Variants in FLYWCH1 observed in about 807,000 individuals in gnomAD.
The protein encoded by FLYWCH1 is FLYWCH-type zinc finger-containing protein 1.
In FLYWCH1, 75 loss-of-function variants were observed where a neutral mutation model predicts 66.4. That is an observed-to-expected ratio of 1.13 (90% CI 0.94 to 1.37). The LOEUF (loss-of-function observed/expected upper bound fraction) is 1.37. FLYWCH1 is among the 40% of genes most tolerant of loss of function. The pLI is 0.00. For synonymous variants in FLYWCH1, 595 were observed against 429.9 expected, an observed-to-expected ratio of 1.38 and a Z score of -4.75; for missense variants, 1,334 against 1,001.8, an observed-to-expected ratio of 1.33 and a Z score of -4.48.
intron 7 of FLYWCH1, 145 bp from the exon 8 acceptor site, chr16:2,938,039 G>A: frequency 1.3e-6 from 1 of 784,254 alleles, no homozygotes; most frequent in Non-Finnish European, 2.0e-6. Flanking sequence ...GCAGGGCCCA[G>A]AGGGGAGGAG....
In FLYWCH1 at chr16:2,937,310, C is replaced by A. The variant is rs2071053642; in HGVS notation, c.1703C>A (p.Pro568Gln). Reference sequence around the variant, plus strand: ...ATGGTCATGCGCAGGCACTGCCACCCACCGGACCTGGGCGGCCTGGAGGCC... The same window carrying A: ...ATGGTCATGCGCAGGCACTGCCACCAACCGGACCTGGGCGGCCTGGAGGCC... ...RVMVMRRHCH[P>Q]PDLGGLEALR... Residue 568 changes from proline to glutamine, a missense_variant, in exon 7 of 10, where the codon CCA becomes CAA. Transcript: ENST00000253928. 1.9e-6 allele frequency: 3 copies of A among 1,603,612 alleles called. No homozygotes were observed. The highest frequency in any genetic ancestry group is 1.7e-6 in the Non-Finnish European group (2 of 1,175,748).
At position 2,930,605 on chromosome 16, in the gene FLYWCH1, A is replaced by C. The variant is rs1420367850; in HGVS notation, c.521A>C (p.His174Pro). The C allele has an allele frequency of 8.4e-6, 13 of 1,552,080 alleles. 1 individual carries two copies. In the East Asian group the frequency reaches 1.2e-4, roughly 15 times the overall value. The stretch of plus-strand genomic sequence containing the variant: ...GCCACAGTGATGCGGGGCCACTGCC[A>C]CGCGCCCGATGAGCAAGGCCTGGAG... ...LRATVMRGHC[H>P]APDEQGLEAR... Residue 174 changes from histidine to proline, a missense_variant, in exon 4 of 10, where the codon CAC becomes CCC. By Grantham distance (77) the His-to-Pro change is moderately conservative. Transcript: ENST00000253928.
At chr16:2,934,341 G>A (rs1193638604) in intron 6 of FLYWCH1, among the ~76,000 whole-genome samples, 3 of 152,182 alleles carry the variant, frequency 2.0e-5, no homozygotes, top group Non-Finnish European at 2.9e-5. Context: ...CTGTCTTAAC[G>A]TCTGAGTGGT....
rs746525373 is a variant in FLYWCH1 at position 2,938,176 on chromosome 16, C to G, written c.1778-8C>G. On this transcript the variant is annotated splice_polypyrimidine_tract_variant and splice_region_variant and intron_variant, in intron 7 of 9. Transcript: ENST00000253928. ...TGGCCCCACTCACAGTGTCACTTTC[C>G]CTTTCAGATCCTCTCCGGCCCCTGG... 1.9e-6 allele frequency: 3 copies of G among 1,610,308 alleles called. No homozygotes were observed. The East Asian group carries it at 6.7e-5, about 36-fold the overall frequency.
chr16:2,941,579 CTAAATGAA>C (rs940822286), intron 9 of FLYWCH1, among the ~76,000 whole-genome samples: 3 of 144,016 alleles, frequency 2.1e-5, no homozygotes, highest in African/African-American at 5.1e-5. Context: ...GATCCCATCT[CTAAATGAA>C]TAAACAGGGC....
In FLYWCH1 at chr16:2,933,285, A is replaced by G. The variant is rs760381509; in HGVS notation, c.952A>G (p.Thr318Ala). 3.1e-6 allele frequency: 5 copies of G among 1,612,394 alleles called. No individual in the cohort carries two copies. The highest frequency in any genetic ancestry group is 4.2e-6 in the Non-Finnish European group (5 of 1,179,524). Residue 318 changes from threonine (T) to alanine (A), a missense_variant, in exon 5 of 10, where the codon ACC becomes GCC. Transcript: ENST00000253928. ...GCACGGCTGCCGGAGCCGGGCCATC[A>G]CCCAGGGACAGCGGGTGACTGTGAT... Reference protein sequence around the residue: ...ALHGCRSRAITQGQRVTVMRG... With the variant: ...ALHGCRSRAIAQGQRVTVMRG...
At position 2,915,874 on chromosome 16, in the gene FLYWCH1, C is replaced by T. The variant is rs549200882; in HGVS notation, c.-74+1585C>T. ...GATCAGGAATATTGAAATGAATGTG[C>T]AAATGGAGGCAAAACTGGCCTCTTC... On this transcript the variant is annotated intron_variant, in intron 2 of 9. Transcript: ENST00000253928. Among the ~76,000 whole-genome samples, 4 of 151,892 alleles carry T rather than the reference C, an allele frequency of 2.6e-5. No homozygotes were observed. The East Asian group carries it at 5.8e-4, about 22-fold the overall frequency.
chr16:2,938,135 G>A lies in FLYWCH1; in HGVS notation c.1778-49G>A, dbSNP rs1258418467. The A allele has an allele frequency of 2.5e-6, 4 of 1,573,200 alleles. No homozygotes were observed. The South Asian group carries it at 3.5e-5, about 14-fold the overall frequency. ...GGATACAAATCAGACCCCCAGCCCTGCCACCCAGGCCCCTGTGGCCCCACT... is the reference window on the plus strand; with the variant it reads ...GGATACAAATCAGACCCCCAGCCCTACCACCCAGGCCCCTGTGGCCCCACT... On this transcript the variant is annotated intron_variant, in intron 7 of 9. Transcript: ENST00000253928.
At chr16:2,930,125 C>G (rs1054888290) in intron 3 of FLYWCH1, 115 bp downstream of exon 3, 1 of 967,750 alleles carries the variant, frequency 1.0e-6, no homozygotes, top group Admixed American at 2.6e-5. Context: ...AGCTCAGCCT[C>G]TTGGTCTCTG....
At position 2,930,758 on chromosome 16, in the gene FLYWCH1, C is replaced by G; in HGVS notation, c.674C>G (p.Pro225Arg). 6.4e-7 allele frequency: 1 copy of G among 1,572,946 alleles called. No homozygotes were observed. Among genetic ancestry groups the G allele is most frequent in the Admixed American group, 1.8e-5 (1 of 54,944 alleles). Reference sequence around the variant, plus strand: ...GAGGGGGTGGGCCCGTGGCAGTGCCCTGAGGAGCCCGAGCCCACTCCTGGG... The same window carrying G: ...GAGGGGGTGGGCCCGTGGCAGTGCCGTGAGGAGCCCGAGCCCACTCCTGGG... ...PLEGVGPWQCPEEPEPTPGLV... is the reference protein window; with the variant it reads ...PLEGVGPWQCREEPEPTPGLV... Residue 225 changes from proline (P) to arginine (R), a missense_variant, in exon 4 of 10, where the codon CCT (proline) becomes CGT (arginine). Physicochemically the swap from Pro to Arg is moderately radical, Grantham distance 103 (BLOSUM62 -2). Coordinates refer to ENST00000253928, the MANE Select transcript of FLYWCH1 (RefSeq NM_001308068.2).
chr16:2,913,575 G>C (rs1302612181), intron 1 of FLYWCH1, among the ~76,000 whole-genome samples: 1 of 152,186 alleles, frequency 6.6e-6, no homozygotes, highest in Non-Finnish European at 1.5e-5. Flanking sequence ...GACCGGGGTT[G>C]CTGCTGAACA....
At chr16:2,940,928 C>T (rs772274667) in intron 9 of FLYWCH1, among the ~76,000 whole-genome samples, 3 of 151,214 alleles carry the variant, frequency 2.0e-5, no homozygotes, top group South Asian at 2.1e-4. Flanking sequence ...GTCAGGAGTT[C>T]GAGACCAGCC....
intron 3 of FLYWCH1, among the ~76,000 whole-genome samples, 197 bp downstream of exon 3, chr16:2,930,207 G>T (rs186299877): frequency 2.0e-5 from 3 of 152,046 alleles, no homozygotes; most frequent in African/African-American, 7.2e-5. Context: ...TTGCAGTGAC[G>T]TGCAGAATTC....
intron 2 of FLYWCH1, among the ~76,000 whole-genome samples, chr16:2,916,969 C>T (rs1333976406): frequency 1.5e-5 from 2 of 136,366 alleles, no homozygotes; most frequent in Non-Finnish European, 3.1e-5. Flanking sequence ...ATGGTGAAAC[C>T]CCATCTCTAG....
At chr16:2,925,154 G>A (rs961386681) in intron 2 of FLYWCH1, among the ~76,000 whole-genome samples, 2 of 152,232 alleles carry the variant, frequency 1.3e-5, no homozygotes, top group Non-Finnish European at 2.9e-5. Context: ...CCTCTGTCAG[G>A]AGCAACCTGG....
intron 6 of FLYWCH1, chr16:2,934,786 C>A: frequency 2.6e-6 from 1 of 381,946 alleles, no homozygotes; most frequent in Non-Finnish European, 5.2e-6. Context: ...CTCACCCCCG[C>A]TCCTGACCCC....
chr16:2,938,139 C>T (rs1166909246), intron 7 of FLYWCH1, 45 bp from the exon 8 acceptor site: 5 of 1,587,726 alleles, frequency 3.1e-6, no homozygotes, highest in Admixed American at 3.5e-5. Context: ...AGCCCTGCCA[C>T]CCAGGCCCCT....
chr16:2,930,729 C>T lies in FLYWCH1; in HGVS notation c.645C>T (p.Pro215=), dbSNP rs775070265. ...PEGPGGRVEE[P]LEGVGPWQCP... The stretch of plus-strand genomic sequence containing the variant: ...GCCCTGGAGGCCGAGTGGAGGAGCC[C>T]CTGGAGGGGGTGGGCCCGTGGCAGT... The change falls in exon 4 of 10, where the codon CCC becomes CCT. Residue 215 remains proline (P), a synonymous_variant. Coordinates refer to ENST00000253928, the MANE Select transcript of FLYWCH1 (RefSeq NM_001308068.2). The T allele has an allele frequency of 5.8e-6, 9 of 1,551,544 alleles. No individual in the cohort carries two copies. The highest frequency in any genetic ancestry group is 7.8e-6 in the Non-Finnish European group (9 of 1,152,668).
At position 2,933,761 on chromosome 16, in the gene FLYWCH1, T is replaced by C. The variant is rs2070875310; in HGVS notation, c.1295T>C (p.Val432Ala). ...LKTPLGGSFLVYESFLYRREK... is the reference protein window; with the variant it reads ...LKTPLGGSFLAYESFLYRREK... ...ACGCCCCTGGGGGGCAGCTTCCTGG[T>C]GTACGAGTCCTTCCTCTACCGGCGG... Residue 432 changes from valine (V) to alanine (A), a missense_variant, in exon 6 of 10, where the codon GTG (valine) becomes GCG (alanine). By Grantham distance (64) the Val-to-Ala change is moderately conservative (BLOSUM62 0). Transcript: ENST00000253928. The C allele has an allele frequency of 1.9e-6, 3 of 1,613,086 alleles. No homozygotes were observed. The highest frequency in any genetic ancestry group is 1.3e-5 in the African/African-American group (1 of 74,852).
Sources: gnomAD v4.1 joint callset for allele counts (sites outside exome capture counted in the v4.1 genomes callset) on GRCh38, gnomAD v4.1.1 for gene constraint, MANE v1.5 for transcripts, NCBI Gene and HGNC (gene_info 2026-07-23, HGNC 2026-07-21) for gene names.